TPRG1: variants seen among roughly 807,000 people sequenced by gnomAD.
TPRG1 encodes the protein tumor protein p63-regulated gene 1 protein.
A neutral mutation model predicts 29.3 loss-of-function variants in TPRG1; 29 were observed. The ratio of observed to expected loss-of-function variants is 0.99; its 90% confidence interval spans 0.74 to 1.35. The LOEUF (loss-of-function observed/expected upper bound fraction) is 1.35. Ranked by LOEUF, TPRG1 falls within the 40% of genes most tolerant of loss-of-function variation. The pLI, the probability that TPRG1 is intolerant of heterozygous loss-of-function variation, is 0.00. For synonymous variants in TPRG1, 130 were observed against 116.8 expected, an observed-to-expected ratio of 1.11 and a Z score of -0.73; for missense variants, 327 against 335.0, an observed-to-expected ratio of 0.98 and a Z score of 0.19.
At chr3:189,140,349 G>GC in intron 3 of TPRG1, among the ~76,000 whole-genome samples, 1 of 152,264 alleles carries the variant, frequency 6.6e-6, no homozygotes, top group African/African-American at 2.4e-5. Flanking sequence ...ACATTCCGAA[G>GC]CTTTGTGTGC....
intron 3 of TPRG1, among the ~76,000 whole-genome samples, chr3:189,005,127 G>C (rs1578181244): frequency 6.6e-6 from 1 of 152,230 alleles, no homozygotes; most frequent in South Asian, 2.1e-4. Flanking sequence ...TGGGCTGGGA[G>C]GGGTGAGAAG....
At chr3:189,053,500 A>G (rs116541324) in intron 4 of TPRG1, among the ~76,000 whole-genome samples, 38 of 152,264 alleles carry the variant, frequency 2.5e-4, no homozygotes, top group African/African-American at 9.1e-4. Context: ...GGACAATAAG[A>G]TGCCAGACCC....
At chr3:189,065,098 G>A (rs181124487) in intron 4 of TPRG1, among the ~76,000 whole-genome samples, 72 of 152,182 alleles carry the variant, frequency 4.7e-4, no homozygotes, top group African/African-American at 1.7e-3. Context: ...GCTTGCTGAA[G>A]CCCAGGAACT....
At chr3:189,052,764 A>G (rs1383962532) in intron 4 of TPRG1, among the ~76,000 whole-genome samples, 1 of 152,224 alleles carries the variant, frequency 6.6e-6, no homozygotes. Context: ...ATAAAAAGGA[A>G]TGAATTAACA....
At chr3:189,210,618 A>G (rs1197329624) in intron 2 of TPRG1, among the ~76,000 whole-genome samples, 1 of 152,206 alleles carries the variant, frequency 6.6e-6, no homozygotes, top group African/African-American at 2.4e-5. Context: ...AGATTTCCAC[A>G]AAGTCTCTGG....
At chr3:189,286,816 T>G (rs1718138256) in intron 4 of TPRG1, among the ~76,000 whole-genome samples, 2 of 152,268 alleles carry the variant, frequency 1.3e-5, no homozygotes, top group Non-Finnish European at 1.5e-5. Context: ...GCAGGCTTCC[T>G]TGGTAGCTTC....
At chr3:189,044,157 C>T (rs1274859172) in intron 4 of TPRG1, among the ~76,000 whole-genome samples, 2 of 151,960 alleles carry the variant, frequency 1.3e-5, no homozygotes, top group African/African-American at 2.4e-5. Context: ...GAGAAAAGAC[C>T]TGCAAGTAAA....
chr3:189,104,537 G>A (rs1719584720), intron 1 of TPRG1, among the ~76,000 whole-genome samples: 1 of 151,948 alleles, frequency 6.6e-6, no homozygotes, highest in Non-Finnish European at 1.5e-5. Context: ...AGTCTGAGTT[G>A]GCGCATTCCC....
intron 3 of TPRG1, among the ~76,000 whole-genome samples, chr3:189,146,190 G>C (rs575404802): frequency 2.6e-5 from 4 of 152,298 alleles, no homozygotes; most frequent in African/African-American, 9.6e-5. Context: ...TTGGTTGCAT[G>C]ATGAATGTAT....
At chr3:189,074,938 A>T (rs1430173218) in intron 4 of TPRG1, among the ~76,000 whole-genome samples, 1 of 151,354 alleles carries the variant, frequency 6.6e-6, no homozygotes, top group Middle Eastern at 3.4e-3. Flanking sequence ...CAGCCTCCCG[A>T]GTAGCTGGGA....
intron 4 of TPRG1, among the ~76,000 whole-genome samples, chr3:189,092,647 C>T (rs1718414656): frequency 6.6e-6 from 1 of 151,998 alleles, no homozygotes; most frequent in South Asian, 2.1e-4. Flanking sequence ...GCTCAGAGTG[C>T]ACTGGGAGCA....
chr3:189,198,231 C>G (rs972856081), intron 1 of TPRG1, among the ~76,000 whole-genome samples: 1 of 152,168 alleles, frequency 6.6e-6, no homozygotes, highest in Non-Finnish European at 1.5e-5. Flanking sequence ...CTCCACCTAC[C>G]CTCTAGTGTA....
intron 1 of TPRG1, among the ~76,000 whole-genome samples, chr3:189,192,069 A>G (rs1190762637): frequency 6.6e-6 from 1 of 152,180 alleles, no homozygotes; most frequent in Non-Finnish European, 1.5e-5. Flanking sequence ...CAATTTACCC[A>G]TGGAGCCCAG....
At chr3:189,068,572 T>C (rs7652646) in intron 4 of TPRG1, among the ~76,000 whole-genome samples, 5,328 of 152,236 alleles carry the variant, frequency 0.035, 308 homozygotes, top group African/African-American at 0.12. Flanking sequence ...GTCAAGCGTT[T>C]GAGATCAGCC....
intron 3 of TPRG1, among the ~76,000 whole-genome samples, chr3:189,235,707 C>T (rs559707678): frequency 4.6e-5 from 7 of 152,226 alleles, no homozygotes; most frequent in Non-Finnish European, 7.4e-5. Flanking sequence ...ACTGAAGGGT[C>T]CACTTTTGAA....
chr3:189,208,273 T>G (rs1388096790), intron 2 of TPRG1, among the ~76,000 whole-genome samples: 1 of 152,234 alleles, frequency 6.6e-6, no homozygotes, highest in Non-Finnish European at 1.5e-5. Flanking sequence ...TTCTTCCTAC[T>G]TATAGATCCT....
At chr3:189,313,946 T>C (rs974479064) in intron 5 of TPRG1, among the ~76,000 whole-genome samples, 22 of 152,330 alleles carry the variant, frequency 1.4e-4, no homozygotes, top group Admixed American at 1.4e-3. Flanking sequence ...ACTGTAGTTA[T>C]AATGGCTTAG....
intron 4 of TPRG1, among the ~76,000 whole-genome samples, chr3:189,056,216 C>G (rs1035503991): frequency 2.0e-5 from 3 of 152,128 alleles, no homozygotes; most frequent in Non-Finnish European, 4.4e-5. Context: ...ATGCCTCAGT[C>G]TCCCAATTAG....
At chr3:189,282,469 T>C (rs955016542) in intron 4 of TPRG1, among the ~76,000 whole-genome samples, 5 of 152,082 alleles carry the variant, frequency 3.3e-5, no homozygotes, top group Admixed American at 6.6e-5. Context: ...ATTTTGTGCC[T>C]CATTTTTTGT....
Sources: gnomAD v4.1 joint callset for allele counts (sites outside exome capture counted in the v4.1 genomes callset) on GRCh38, gnomAD v4.1.1 for gene constraint, MANE v1.5 for transcripts, NCBI Gene and HGNC (gene_info 2026-07-23, HGNC 2026-07-21) for gene names.